TTC23: variants seen among roughly 807,000 people sequenced by gnomAD.
TTC23 encodes tetratricopeptide repeat domain 23.
A neutral mutation model predicts 55.1 loss-of-function variants in TTC23; 58 were observed. That is an observed-to-expected ratio of 1.05 (90% confidence interval 0.85 to 1.31). The LOEUF is 1.31. TTC23 is among the 50% of genes most tolerant of loss of function. The pLI is 0.00. For missense variants in TTC23, 516 were observed against 534.4 expected, an observed-to-expected ratio of 0.97 and a Z score of 0.34; for synonymous variants, 203 against 199.9, an observed-to-expected ratio of 1.02 and a Z score of -0.13.
chr15:99,248,261 C>T (rs4965224), intron 1 of TTC23: 1 of 152,092 alleles, frequency 6.6e-6, no homozygotes, highest in Non-Finnish European at 1.5e-5. Context: ...ATCTTAAATT[C>T]CACTGTCAGT....
intron 1 of TTC23, among the ~76,000 whole-genome samples, chr15:99,247,058 A>G (rs1460625649): frequency 1.3e-5 from 2 of 152,260 alleles, no homozygotes; most frequent in Admixed American, 6.5e-5. Context: ...CAACAAGCAC[A>G]TGAAAAGATG....
In TTC23 at chr15:99,187,465, AAAACAAAAC is replaced by A. The variant is rs1263280468; in HGVS notation, c.760-12319_760-12311del. On this transcript the variant is annotated intron_variant, in intron 9 of 13. Transcript: ENST00000394132. ...CAAAAGCACAAGCAAAAAAAAAAAA[AAAACAAAAC>A]AAAAGAAACCCAACATAGACAAGTT... Among the ~76,000 whole-genome samples the A allele has an allele frequency of 1.7e-4, 23 of 137,462 alleles. 1 individual carries two copies. Among genetic ancestry groups the A allele is most frequent in the Non-Finnish European group, 7.5e-5 (5 of 66,644 alleles). The allele number at this position is 137,462 out of a possible 152,430, so 90.2% of individuals were successfully genotyped here.
intron 9 of TTC23, among the ~76,000 whole-genome samples, chr15:99,180,715 A>G (rs2151944117): frequency 6.6e-6 from 1 of 152,262 alleles, no homozygotes; most frequent in Non-Finnish European, 1.5e-5. Context: ...GGGGTTAGGG[A>G]AATATATTTT....
At position 99,204,632 on chromosome 15, in the gene TTC23, GTTTTTT is replaced by G. The variant is rs56890685; in HGVS notation, c.582-4542_582-4537del. On this transcript the variant is annotated intron_variant, in intron 8 of 13. Transcript: ENST00000394132. ...TCAGAGTTTCAGTCTTAGATTTAAG[GTTTTTT>G]TTTTTTTTTTTTTTTTTAGACAGGT... Among the ~76,000 whole-genome samples the G allele has an allele frequency of 1.4e-3, 87 of 60,898 alleles. 3 individuals carry two copies. The highest frequency in any genetic ancestry group is 0.017 in the Middle Eastern group (1 of 60). The allele number at this position is 60,898 out of a possible 152,430, so 40.0% of individuals were successfully genotyped here.
intron 11 of TTC23, among the ~76,000 whole-genome samples, chr15:99,156,541 T>C (rs1434893662): frequency 6.6e-6 from 1 of 152,206 alleles, no homozygotes; most frequent in African/African-American, 2.4e-5. Flanking sequence ...CTTACAATCA[T>C]GGCAGAGGGC....
intron 10 of TTC23, among the ~76,000 whole-genome samples, chr15:99,169,736 A>G (rs1247931730): frequency 2.0e-5 from 3 of 152,214 alleles, no homozygotes. Context: ...TTTCCAGTCT[A>G]CTGTGTAAAA....
chr15:99,199,454 G>GTGTT (rs1315985566), intron 9 of TTC23, among the ~76,000 whole-genome samples: 1 of 140,746 alleles, frequency 7.1e-6, no homozygotes, highest in African/African-American at 2.9e-5. Flanking sequence ...CAAAGTGTGT[G>GTGTT]TGTTTGTGTG....
chr15:99,178,654 T>A (rs936263279), intron 9 of TTC23, among the ~76,000 whole-genome samples: 1 of 152,216 alleles, frequency 6.6e-6, no homozygotes, highest in Non-Finnish European at 1.5e-5. Context: ...ACACTGCCCC[T>A]CACTAGGTTT....
At chr15:99,196,240 A>G (rs1056641948) in intron 9 of TTC23, among the ~76,000 whole-genome samples, 1 of 152,190 alleles carries the variant, frequency 6.6e-6, no homozygotes. Context: ...TGAGAGTAAA[A>G]TAATGTAAAA....
intron 4 of TTC23, among the ~76,000 whole-genome samples, chr15:99,234,238 G>A (rs1484885764): frequency 6.6e-6 from 1 of 152,084 alleles, no homozygotes; most frequent in Non-Finnish European, 1.5e-5. Flanking sequence ...AAAAACTAGA[G>A]GCTGGGAGAA....
chr15:99,228,518 CAA>C lies in TTC23; in HGVS notation c.180+13_180+14del. 6.3e-7 allele frequency: 1 copy of C among 1,585,438 alleles called. No homozygotes were observed. Among genetic ancestry groups the C allele is most frequent in the Non-Finnish European group, 8.6e-7 (1 of 1,164,966 alleles). ...AATTCTCAGAGTAGAAATACAGAAA[CAA>C]AAGTCTCCTTACCTCATGACTGTTG... is the stretch of plus-strand genomic sequence containing the variant. On this transcript the variant is annotated intron_variant, in intron 5 of 13. Transcript: ENST00000394132.
intron 4 of TTC23, among the ~76,000 whole-genome samples, chr15:99,230,964 T>C (rs1267023675): frequency 1.3e-5 from 2 of 152,224 alleles, no homozygotes; most frequent in Non-Finnish European, 2.9e-5. Context: ...ATTACAATCA[T>C]GTCCAGCTCC....
chr15:99,137,148 TCC>T lies in TTC23; in HGVS notation c.*860_*861del, dbSNP rs2067653867. ...ATCCACCTCGATCTGGCACTGGATCTCCTCGTTGACATCGTGGAGGAAGGCAC... is the reference window on the plus strand; with the variant it reads ...ATCCACCTCGATCTGGCACTGGATCTTCGTTGACATCGTGGAGGAAGGCAC... On this transcript the variant is annotated 3_prime_UTR_variant, in exon 14 of 14. Coordinates refer to ENST00000394132, the MANE Select transcript of TTC23 (RefSeq NM_001288615.3). 1 of 152,318 alleles carries T rather than the reference TCC, an allele frequency of 6.6e-6. No homozygotes were observed. The allele number at this position is 152,318 out of a possible 1,614,324, so 9.4% of individuals were successfully genotyped here. A position where few individuals can be genotyped will look rare whatever the true frequency, so the allele number is the denominator to read the frequency against.
intron 10 of TTC23, among the ~76,000 whole-genome samples, chr15:99,172,019 CA>C (rs1465387401): frequency 6.7e-6 from 1 of 150,276 alleles, no homozygotes; most frequent in Admixed American, 6.6e-5. Context: ...ATGTTTCTCA[CA>C]TTTTTTTTTT....
intron 3 of TTC23, among the ~76,000 whole-genome samples, chr15:99,239,956 C>T (rs1381681227): frequency 6.6e-6 from 1 of 152,230 alleles, no homozygotes; most frequent in African/African-American, 2.4e-5. Flanking sequence ...GCACATCACA[C>T]AGCCAGAATT....
At chr15:99,219,503 A>AT (rs909102069) in intron 6 of TTC23, among the ~76,000 whole-genome samples, 13 of 152,290 alleles carry the variant, frequency 8.5e-5, no homozygotes, top group Middle Eastern at 3.4e-3. Context: ...TCAGAGAGTT[A>AT]TTTTTTTAAC....
intron 4 of TTC23, among the ~76,000 whole-genome samples, chr15:99,229,922 T>C (rs1370000532): frequency 6.6e-6 from 1 of 152,204 alleles, no homozygotes; most frequent in Non-Finnish European, 1.5e-5. Context: ...AGGATCAAAC[T>C]GTTTTCAAGG....
At chr15:99,216,731 T>C (rs1011943583) in intron 8 of TTC23, among the ~76,000 whole-genome samples, 3 of 152,202 alleles carry the variant, frequency 2.0e-5, no homozygotes, top group Non-Finnish European at 2.9e-5. Flanking sequence ...ATATTGCCAG[T>C]GGTGTGTTAG....
intron 8 of TTC23, among the ~76,000 whole-genome samples, chr15:99,211,154 C>A (rs1290599787): frequency 1.3e-5 from 2 of 152,130 alleles, no homozygotes; most frequent in Non-Finnish European, 2.9e-5. Context: ...ACAGGTGGAT[C>A]ACTTGAGGTC....
Sources: allele counts gnomAD v4.1 joint callset (sites outside exome capture counted in the v4.1 genomes callset), GRCh38; gene constraint gnomAD v4.1.1; transcripts MANE v1.5; gene names NCBI Gene and HGNC (gene_info 2026-07-23, HGNC 2026-07-21).